DYNC1I1: variants seen among roughly 807,000 people sequenced by gnomAD.
DYNC1I1 encodes the protein cytoplasmic dynein 1 intermediate chain 1.
A neutral mutation model predicts 86.6 loss-of-function variants in DYNC1I1; 43 were observed. That is an observed-to-expected ratio of 0.50 (90% CI 0.39 to 0.64). DYNC1I1 has a LOEUF of 0.64. DYNC1I1 is among the 30% of genes least tolerant of loss of function. The probability of loss-of-function intolerance (pLI) is 0.00; values close to 1 mark genes in which losing one functional copy is unlikely to be tolerated. For missense variants in DYNC1I1, 604 were observed against 788.8 expected, an observed-to-expected ratio of 0.77 and a Z score of 2.81; for synonymous variants, 262 against 283.7, an observed-to-expected ratio of 0.92 and a Z score of 0.77.
chr7:95,949,442 A>G (rs1037671506), intron 6 of DYNC1I1, among the ~76,000 whole-genome samples: 3 of 152,224 alleles, frequency 2.0e-5, no homozygotes, highest in African/African-American at 7.2e-5. Context: ...CTTTGGGGAA[A>G]GTGAATTTAC....
chr7:95,936,888 A>G (rs12113175), intron 6 of DYNC1I1, among the ~76,000 whole-genome samples: 3 of 150,934 alleles, frequency 2.0e-5, no homozygotes, highest in Non-Finnish European at 4.4e-5. Flanking sequence ...TCATTGTAGC[A>G]TTATTCACAA....
At chr7:96,077,805 A>T (rs539984818) in intron 15 of DYNC1I1, among the ~76,000 whole-genome samples, 1 of 152,098 alleles carries the variant, frequency 6.6e-6, no homozygotes, top group African/African-American at 2.4e-5. Context: ...TTTCTTTTAA[A>T]TTTTTTTTAG....
chr7:96,074,625 A>G (rs1439759088), intron 14 of DYNC1I1, among the ~76,000 whole-genome samples: 2 of 151,910 alleles, frequency 1.3e-5, no homozygotes, highest in African/African-American at 2.4e-5. Flanking sequence ...AATACAGTCC[A>G]TAGAAAGAGA....
rs532601680 is a variant in DYNC1I1, at chr7:95,971,985, A to G, written c.491-5527A>G. ...ATGAAATGTCAGGAGCAGAGCATCAAGGGCTCTGGCAGGAGCTCAGATCCT... is the reference window on the plus strand; with the variant it reads ...ATGAAATGTCAGGAGCAGAGCATCAGGGGCTCTGGCAGGAGCTCAGATCCT... On this transcript the variant is annotated intron_variant, in intron 6 of 16. Coordinates refer to ENST00000447467, the MANE Select transcript of DYNC1I1 (RefSeq NM_001135556.2). Among the ~76,000 whole-genome samples, 438 of 152,258 alleles carry G rather than the reference A, an allele frequency of 2.9e-3. 2 individuals are homozygous for G. The highest frequency in any genetic ancestry group is 5.2e-3 in the Non-Finnish European group (353 of 68,020).
In DYNC1I1 at chr7:95,977,012, C is replaced by T. The variant is rs143202978; in HGVS notation, c.491-500C>T. 6.4e-3 allele frequency among the ~76,000 whole-genome samples: 979 copies of T among 152,268 alleles called. 7 individuals carry two copies. Among genetic ancestry groups the T allele is most frequent in the African/African-American group, 0.022 (900 of 41,564 alleles). On this transcript the variant is annotated intron_variant, in intron 6 of 16. Coordinates refer to ENST00000447467, the MANE Select transcript of DYNC1I1 (RefSeq NM_001135556.2). ...ATGGCATTGACTTTGGGGGCCCTTCCCTTGGTTGTTTACTTGCCAATGGCA... is the reference window on the plus strand; with the variant it reads ...ATGGCATTGACTTTGGGGGCCCTTCTCTTGGTTGTTTACTTGCCAATGGCA...
chr7:95,919,024 G>T (rs1791545532), intron 6 of DYNC1I1, among the ~76,000 whole-genome samples: 1 of 152,118 alleles, frequency 6.6e-6, no homozygotes, highest in Admixed American at 6.5e-5. Context: ...TGAAGAAGTT[G>T]TTCCTTTTGT....
At chr7:95,779,664 C>T (rs1360239447) in intron 1 of DYNC1I1, among the ~76,000 whole-genome samples, 1 of 152,144 alleles carries the variant, frequency 6.6e-6, no homozygotes, top group Non-Finnish European at 1.5e-5. Context: ...TTGTGTCTTC[C>T]AGCAGAGAAC....
intron 6 of DYNC1I1, among the ~76,000 whole-genome samples, chr7:95,888,006 C>T (rs1221726916): frequency 6.6e-6 from 1 of 152,212 alleles, no homozygotes; most frequent in Non-Finnish European, 1.5e-5. Flanking sequence ...GGACACTAAC[C>T]TTCCATTTCT....
At position 95,918,499 on chromosome 7, in the gene DYNC1I1, G is replaced by A. The variant is rs114566608; in HGVS notation, c.490+48501G>A. Among the ~76,000 whole-genome samples the A allele has an allele frequency of 4.4e-3, 663 of 152,314 alleles. 8 individuals carry two copies. Among genetic ancestry groups the A allele is most frequent in the African/African-American group, 0.015 (618 of 41,558 alleles). On this transcript the variant is annotated intron_variant, in intron 6 of 16. Coordinates refer to ENST00000447467, the MANE Select transcript of DYNC1I1 (RefSeq NM_001135556.2). ...CTTCTTGTTCATGAGGGAAATTGTGGAAGCATAGATGTAAAAAGGAGAGAA... is the reference window on the plus strand; with the variant it reads ...CTTCTTGTTCATGAGGGAAATTGTGAAAGCATAGATGTAAAAAGGAGAGAA...
intron 6 of DYNC1I1, among the ~76,000 whole-genome samples, chr7:95,951,825 A>C (rs1792567089): frequency 6.6e-6 from 1 of 152,072 alleles, no homozygotes; most frequent in Non-Finnish European, 1.5e-5. Context: ...TACCTTGGAG[A>C]CTTCATCAGA....
At chr7:95,995,710 A>C (rs1793849759) in intron 9 of DYNC1I1, among the ~76,000 whole-genome samples, 1 of 152,160 alleles carries the variant, frequency 6.6e-6, no homozygotes, top group South Asian at 2.1e-4. Context: ...TAATACGGAG[A>C]GGTAAAGCGA....
At chr7:96,030,333 TGTGTGTGTGTGTG>T (rs1308592111) in intron 11 of DYNC1I1, among the ~76,000 whole-genome samples, 37 of 76,808 alleles carry the variant, frequency 4.8e-4, no homozygotes, top group African/African-American at 1.8e-3. Flanking sequence ...GGTAGAGTTG[TGTGTGTGTGTGTG>T]TGTGTGTGTG....
chr7:95,801,028 G>A (rs1018609357), intron 1 of DYNC1I1, among the ~76,000 whole-genome samples: 3 of 152,282 alleles, frequency 2.0e-5, no homozygotes, highest in East Asian at 3.9e-4. Flanking sequence ...GTAAAGTCTC[G>A]TTCATTCACT....
chr7:95,959,530 C>T (rs183120773), intron 6 of DYNC1I1, among the ~76,000 whole-genome samples: 26 of 152,320 alleles, frequency 1.7e-4, no homozygotes, highest in Admixed American at 1.6e-3. Flanking sequence ...TCCCAGGATT[C>T]TAGCTTAGAT....
intron 6 of DYNC1I1, among the ~76,000 whole-genome samples, chr7:95,967,325 G>T (rs1274592904): frequency 6.6e-6 from 1 of 152,176 alleles, no homozygotes; most frequent in African/African-American, 2.4e-5. Context: ...CCGCCAACAG[G>T]TAGAGCAGGA....
intron 6 of DYNC1I1, among the ~76,000 whole-genome samples, chr7:95,943,495 C>A (rs184563269): frequency 6.4e-5 from 9 of 139,732 alleles, no homozygotes; most frequent in African/African-American, 1.8e-4. Flanking sequence ...GCTACCAATG[C>A]CTTCCTTCAC....
At chr7:96,086,494 C>T (rs1250823529) in intron 16 of DYNC1I1, among the ~76,000 whole-genome samples, 7 of 152,116 alleles carry the variant, frequency 4.6e-5, no homozygotes, top group African/African-American at 1.7e-4. Context: ...CAAATCTTAT[C>T]CTAGCTTTAT....
chr7:96,061,708 T>TCACA (rs1489519108), intron 14 of DYNC1I1, among the ~76,000 whole-genome samples: 1 of 127,708 alleles, frequency 7.8e-6, no homozygotes, highest in African/African-American at 3.4e-5. Context: ...TCTCTCTCTC[T>TCACA]CTCTCACACA....
intron 14 of DYNC1I1, among the ~76,000 whole-genome samples, chr7:96,061,941 A>C (rs946460444): frequency 6.6e-6 from 1 of 152,246 alleles, no homozygotes; most frequent in South Asian, 2.1e-4. Context: ...GGGTGATAAC[A>C]TTTTGGATTT....
Sources: gnomAD v4.1 joint callset for allele counts (sites outside exome capture counted in the v4.1 genomes callset) on GRCh38, gnomAD v4.1.1 for gene constraint, MANE v1.5 for transcripts, NCBI Gene and HGNC (gene_info 2026-07-23, HGNC 2026-07-21) for gene names.